DYNC2H1: variants seen among roughly 807,000 people sequenced by gnomAD.
DYNC2H1 encodes dynein cytoplasmic 2 heavy chain 1.
DYNC2H1 carries 410 observed loss-of-function variants against 570.0 expected under a neutral mutation model. The ratio of observed to expected loss-of-function variants is 0.72; its 90% confidence interval spans 0.66 to 0.78. DYNC2H1 has a LOEUF of 0.78. DYNC2H1 is among the 30% of genes least tolerant of loss of function. DYNC2H1 has a pLI of 0.00. For missense variants in DYNC2H1, 4,865 were observed against 5,046.4 expected (o/e 0.96, Z 1.09); for synonymous variants, 1,688 against 1,677.6 (o/e 1.01, Z -0.15).
chr11:103,433,243 G>C (rs1177218614), intron 84 of DYNC2H1, among the ~76,000 whole-genome samples: 1 of 152,012 alleles, frequency 6.6e-6, no homozygotes. Context: ...GCTATAAAAT[G>C]TAAGCTCCAT....
At chr11:103,442,740 A>G (rs1204326126) in intron 85 of DYNC2H1, among the ~76,000 whole-genome samples, 2 of 152,116 alleles carry the variant, frequency 1.3e-5, no homozygotes, top group Non-Finnish European at 2.9e-5. Context: ...TGCACCTTTC[A>G]TCACATGCAT....
chr11:103,241,974 A>G lies in DYNC2H1; in HGVS notation c.9820-1719A>G, dbSNP rs116713303. Among the ~76,000 whole-genome samples, 1,564 of 152,224 alleles carry G rather than the reference A, an allele frequency of 0.01. 26 individuals carry two copies. The highest frequency in any genetic ancestry group is 0.036 in the African/African-American group (1,493 of 41,510). On this transcript the variant is annotated intron_variant, in intron 63 of 88. Coordinates refer to ENST00000375735, the MANE Select transcript of DYNC2H1 (RefSeq NM_001377.3). The surrounding 1 kb of genome is among the most constrained non-coding windows in gnomAD (Gnocchi z 5.1). ...ATAAAACTATTCGTCCACAGGGCAG[A>G]TAATTCCCACTATCTCCCTCCCTCT...
Position 103,299,224 on chromosome 11 carries a change from T to G in DYNC2H1, c.11096-3869T>G, listed in dbSNP as rs779345737. Among the ~76,000 whole-genome samples the G allele has an allele frequency of 1.3e-5, 2 of 152,162 alleles. No homozygotes were observed. Among genetic ancestry groups the G allele is most frequent in the African/African-American group, 2.4e-5 (1 of 41,448 alleles). On this transcript the variant is annotated intron_variant, in intron 75 of 88. Coordinates refer to ENST00000375735, the MANE Select transcript of DYNC2H1 (RefSeq NM_001377.3). The surrounding 1 kb of genome is among the most constrained non-coding windows in gnomAD (Gnocchi z 4.5). ...TCCTAGTTTTACAGTTCTGTACCTCTTATGGCATCATCCCATCCCATGCAC... is the reference window on the plus strand; with the variant it reads ...TCCTAGTTTTACAGTTCTGTACCTCGTATGGCATCATCCCATCCCATGCAC...
chr11:103,311,811 T>C lies in DYNC2H1; in HGVS notation c.11494-67T>C, dbSNP rs919677383. 93 of 1,447,532 alleles carry C rather than the reference T, an allele frequency of 6.4e-5. No individual in the cohort carries two copies. In the African/African-American group the frequency reaches 1.2e-3, roughly 19 times the overall value. 89.7% of individuals were successfully genotyped at this position (1,447,532 alleles called of 1,614,324 possible). The stretch of plus-strand genomic sequence containing the variant: ...TTTCTTTAAATTATGTTCTTAAATA[T>C]GTTAAAATCTAATATATTTTACTTG... On this transcript the variant is annotated intron_variant, in intron 78 of 88. Coordinates refer to ENST00000375735, the MANE Select transcript of DYNC2H1 (RefSeq NM_001377.3).
In DYNC2H1 at chr11:103,264,143, A is replaced by T. The variant is rs947112124; in HGVS notation, c.10695+4166A>T. Among the ~76,000 whole-genome samples, 2 of 152,208 alleles carry T rather than the reference A, an allele frequency of 1.3e-5. No homozygotes were observed. Among genetic ancestry groups the T allele is most frequent in the African/African-American group, 4.8e-5 (2 of 41,448 alleles). ...ATTCCTGGACACATACACCCTCCCA[A>T]GACTAAACCAGGAAGAAGTCGAATC... On this transcript the variant is annotated intron_variant, in intron 70 of 88. Coordinates refer to ENST00000375735, the MANE Select transcript of DYNC2H1 (RefSeq NM_001377.3). The surrounding 1 kb of genome is among the most constrained non-coding windows in gnomAD (Gnocchi z 4.8).
intron 17 of DYNC2H1, among the ~76,000 whole-genome samples, chr11:103,140,345 G>A (rs1247885221): frequency 6.6e-6 from 1 of 152,060 alleles, no homozygotes; most frequent in African/African-American, 2.4e-5. Flanking sequence ...TGCAGCGGCT[G>A]GTACCAGTTG....
At chr11:103,221,453 T>C (rs1565407122) in intron 57 of DYNC2H1, among the ~76,000 whole-genome samples, 1 of 152,326 alleles carries the variant, frequency 6.6e-6, no homozygotes, top group African/African-American at 2.4e-5. Flanking sequence ...GAGTACCTAA[T>C]AGTTCACAAA....
At chr11:103,420,764 T>A (rs189962950) in intron 84 of DYNC2H1, among the ~76,000 whole-genome samples, 1 of 152,230 alleles carries the variant, frequency 6.6e-6, no homozygotes, top group East Asian at 1.9e-4. Context: ...TACCAGCCAC[T>A]ACAAAAACAC....
chr11:103,323,982 A>G lies in DYNC2H1; in HGVS notation c.12031A>G (p.Ser4011Gly). ...CGCTCGCTCATCTCAGCGCATGATC[A>G]GTTCTCAGGTAACCTAAAAAAAAGA... ...NIARSSQRMI[S>G]SQVISQLRIL... The change falls in exon 82 of 89, where the codon AGT becomes GGT. Residue 4011 changes from serine (S) to glycine (G), a missense_variant. By Grantham distance (56) the Ser-to-Gly change is moderately conservative. Transcript: ENST00000375735. The G allele has an allele frequency of 6.3e-7, 1 of 1,584,858 alleles. No homozygotes were observed. Among genetic ancestry groups the G allele is most frequent in the Non-Finnish European group, 8.6e-7 (1 of 1,169,050 alleles).
intron 17 of DYNC2H1, among the ~76,000 whole-genome samples, chr11:103,139,424 C>T (rs1326924446): frequency 5.3e-5 from 8 of 151,916 alleles, no homozygotes; most frequent in Non-Finnish European, 8.8e-5. Context: ...TCTTTGTTCT[C>T]GTTGGTTTCA....
Position 103,234,081 on chromosome 11 carries a change from G to A in DYNC2H1, c.9488G>A (p.Ser3163Asn), listed in dbSNP as rs1864128122. The change falls in exon 61 of 89, where the codon AGC becomes AAC. Residue 3163 changes from serine to asparagine, a missense_variant. By Grantham distance (46) the Ser-to-Asn change is conservative. Transcript: ENST00000375735. Reference protein sequence around the residue: ...SEAAKLEAEVSKAQETIKAAE... With the variant: ...SEAAKLEAEVNKAQETIKAAE... Reference sequence around the variant, plus strand: ...GCTGCCAAACTTGAGGCTGAAGTAAGCAAGGCACAAGAAACAATCAAAGCT... The same window carrying A: ...GCTGCCAAACTTGAGGCTGAAGTAAACAAGGCACAAGAAACAATCAAAGCT... 6.4e-7 allele frequency: 1 copy of A among 1,566,318 alleles called. No homozygotes were observed. The highest frequency in any genetic ancestry group is 8.7e-7 in the Non-Finnish European group (1 of 1,154,324).
At chr11:103,215,913 G>A (rs763682034) in intron 55 of DYNC2H1, 55 bp downstream of exon 55, 17 of 1,553,132 alleles carry the variant, frequency 1.1e-5, no homozygotes, top group Non-Finnish European at 1.5e-5. Context: ...ATTTATGCCT[G>A]ATAGTCAGTG....
chr11:103,316,106 G>A (rs1050961770), intron 79 of DYNC2H1, among the ~76,000 whole-genome samples: 1 of 151,800 alleles, frequency 6.6e-6, no homozygotes, highest in Non-Finnish European at 1.5e-5. Context: ...ATTTAGTTCT[G>A]ATACGCATGC....
intron 47 of DYNC2H1, among the ~76,000 whole-genome samples, chr11:103,197,410 G>A (rs972877297): frequency 4.6e-5 from 7 of 151,996 alleles, no homozygotes; most frequent in African/African-American, 1.7e-4. Flanking sequence ...TTTTCAGGTA[G>A]AGTTTGATAT....
rs749024303 is a variant in DYNC2H1, at chr11:103,185,072, A to G, written c.6633+21A>G. On this transcript the variant is annotated intron_variant, in intron 41 of 88. Transcript: ENST00000375735. The surrounding 1 kb of genome is among the most constrained non-coding windows in gnomAD (Gnocchi z 4.5). Reference sequence around the variant, plus strand: ...AAGAGGTAATGCATATTTATAGCCTATATTTAGTCAAAACTTTAACTTTTC... The same window carrying G: ...AAGAGGTAATGCATATTTATAGCCTGTATTTAGTCAAAACTTTAACTTTTC... 14 of 1,594,732 alleles carry G rather than the reference A, an allele frequency of 8.8e-6. No homozygotes were observed. The African/African-American group carries it at 1.7e-4, about 20-fold the overall frequency.
At chr11:103,296,611 C>T (rs926432556) in intron 75 of DYNC2H1, among the ~76,000 whole-genome samples, 1 of 152,126 alleles carries the variant, frequency 6.6e-6, no homozygotes, top group Non-Finnish European at 1.5e-5. Flanking sequence ...ACTCATTCTG[C>T]TTTCCTTTCT....
chr11:103,172,178 A>G (rs1347374352), intron 34 of DYNC2H1, among the ~76,000 whole-genome samples: 1 of 152,160 alleles, frequency 6.6e-6, no homozygotes, highest in Non-Finnish European at 1.5e-5. Flanking sequence ...AAAAGAGAAG[A>G]AACTATTAAG....
chr11:103,444,028 A>G (rs1407103065), intron 85 of DYNC2H1, among the ~76,000 whole-genome samples: 1 of 151,912 alleles, frequency 6.6e-6, no homozygotes, highest in East Asian at 1.9e-4. Context: ...AAATGTCAGT[A>G]TATTGAATAA....
intron 82 of DYNC2H1, among the ~76,000 whole-genome samples, chr11:103,328,066 C>T (rs1377659421): frequency 1.3e-5 from 2 of 152,154 alleles, no homozygotes; most frequent in Non-Finnish European, 2.9e-5. Context: ...TTTACTCACT[C>T]GAATATAGCA....
Sources: gnomAD v4.1 joint callset for allele counts (sites outside exome capture counted in the v4.1 genomes callset) on GRCh38, gnomAD v4.1.1 for gene constraint, Gnocchi (gnomAD v3.1) non-coding constraint, MANE v1.5 for transcripts, NCBI Gene and HGNC (gene_info 2026-07-23, HGNC 2026-07-21) for gene names.